Variants in CSMD1 observed in about 807,000 individuals in gnomAD.
CSMD1 encodes the protein CUB and sushi domain-containing protein 1.
A neutral mutation model predicts 417.5 loss-of-function variants in CSMD1; 213 were observed. The ratio of observed to expected loss-of-function variants is 0.51; its 90% CI spans 0.46 to 0.57. CSMD1 has a LOEUF of 0.57. Among genes scored for constraint, CSMD1 ranks in the 20% least tolerant of loss-of-function variants. The pLI, the probability that CSMD1 is intolerant of heterozygous loss-of-function variation, is 0.00. For missense variants in CSMD1, 6,923 were observed against 4,529.7 expected (o/e 1.53, Z -15.17); for synonymous variants, 2,862 against 1,736.8 (o/e 1.65, Z -16.11).
intron 2 of CSMD1, among the ~76,000 whole-genome samples, chr8:4,427,669 A>C (rs777114218): frequency 3.3e-5 from 5 of 152,206 alleles, no homozygotes; most frequent in Admixed American, 2.6e-4. Context: ...TTGGCCTCAG[A>C]AAATAGTACC....
At chr8:4,866,833 T>G (rs1802448065) in intron 1 of CSMD1, among the ~76,000 whole-genome samples, 1 of 152,156 alleles carries the variant, frequency 6.6e-6, no homozygotes, top group South Asian at 2.1e-4. Flanking sequence ...TTTTCATGAT[T>G]TTTAAAAATT....
chr8:3,494,138 T>C (rs79357723), intron 10 of CSMD1, among the ~76,000 whole-genome samples: 2,609 of 152,344 alleles, frequency 0.017, 68 homozygotes, highest in East Asian at 0.12. Flanking sequence ...TAAAGTTCTA[T>C]ATGCATACTT....
At chr8:2,997,643 GA>G (rs1167335864) in intron 54 of CSMD1, among the ~76,000 whole-genome samples, 1 of 152,020 alleles carries the variant, frequency 6.6e-6, no homozygotes, top group Non-Finnish European at 1.5e-5. Flanking sequence ...ATAAATAATT[GA>G]AAATTTAAAA....
intron 37 of CSMD1, among the ~76,000 whole-genome samples, chr8:3,163,171 G>T (rs1820000131): frequency 6.6e-6 from 1 of 152,136 alleles, no homozygotes; most frequent in Admixed American, 6.6e-5. Flanking sequence ...CATTTGAAAT[G>T]GTGCTAAGGG....
intron 6 of CSMD1, among the ~76,000 whole-genome samples, chr8:3,733,638 G>A (rs939221183): frequency 6.6e-6 from 1 of 151,976 alleles, no homozygotes; most frequent in Non-Finnish European, 1.5e-5. Flanking sequence ...TCATTCCTCT[G>A]TCCAGAAGGT....
At chr8:4,196,666 T>C (rs182804062) in intron 3 of CSMD1, among the ~76,000 whole-genome samples, 2 of 152,316 alleles carry the variant, frequency 1.3e-5, no homozygotes, top group Admixed American at 6.5e-5. Context: ...GACCCATTCT[T>C]CTGCCTCTTT....
At chr8:4,183,897 G>A (rs1456084466) in intron 3 of CSMD1, among the ~76,000 whole-genome samples, 1 of 152,092 alleles carries the variant, frequency 6.6e-6, no homozygotes, top group Non-Finnish European at 1.5e-5. Context: ...TGGACAGTTT[G>A]GCCACAGCTT....
chr8:3,355,887 C>T (rs899292629), intron 21 of CSMD1, among the ~76,000 whole-genome samples: 1 of 151,964 alleles, frequency 6.6e-6, no homozygotes, highest in East Asian at 1.9e-4. Flanking sequence ...CAACAGGTGC[C>T]AGAAGAGAGG....
intron 3 of CSMD1, among the ~76,000 whole-genome samples, chr8:4,054,272 G>C (rs917628192): frequency 1.2e-5 from 1 of 83,040 alleles, no homozygotes; most frequent in Non-Finnish European, 2.4e-5. Context: ...AGAGGTGACG[G>C]GGAAGTGAAG....
intron 3 of CSMD1, among the ~76,000 whole-genome samples, chr8:4,200,558 T>C (rs538447536): frequency 1.3e-4 from 20 of 151,208 alleles, no homozygotes; most frequent in African/African-American, 4.7e-4. Flanking sequence ...GTGCTATCCT[T>C]ATATAATTAT....
chr8:3,907,660 G>C (rs1322221147), intron 5 of CSMD1, among the ~76,000 whole-genome samples: 2 of 152,136 alleles, frequency 1.3e-5, no homozygotes, highest in African/African-American at 4.8e-5. Context: ...CTTTGTATTA[G>C]GAAGATTCAG....
At chr8:4,283,482 C>G (rs1486815642) in intron 3 of CSMD1, among the ~76,000 whole-genome samples, 1 of 152,098 alleles carries the variant, frequency 6.6e-6, no homozygotes, top group Non-Finnish European at 1.5e-5. Flanking sequence ...CACTTTGTAC[C>G]AATATATTTT....
At chr8:3,747,783 G>A (rs894875796) in intron 6 of CSMD1, among the ~76,000 whole-genome samples, 2 of 151,486 alleles carry the variant, frequency 1.3e-5, no homozygotes, top group African/African-American at 4.8e-5. Context: ...TCCACCAATA[G>A]TGCAAAAAAA....
chr8:3,753,787 T>C (rs546850098), intron 6 of CSMD1, 143 bp downstream of exon 6: 11 of 555,902 alleles, frequency 2.0e-5, no homozygotes, highest in African/African-American at 3.8e-5. Context: ...GTCGACTATA[T>C]GATTTCCAAA....
At chr8:3,747,971 C>G (rs1192986656) in intron 6 of CSMD1, among the ~76,000 whole-genome samples, 1 of 152,050 alleles carries the variant, frequency 6.6e-6, no homozygotes, top group East Asian at 1.9e-4. Context: ...TCTAGAAGTC[C>G]ACCATGGTTC....
rs1217671 is a variant in CSMD1, at chr8:4,461,527, G to T, written c.303-41462C>A. Among the ~76,000 whole-genome samples, 137 of 121,824 alleles carry T rather than the reference G, an allele frequency of 1.1e-3. 3 individuals are homozygous for T. Among genetic ancestry groups the T allele is most frequent in the African/African-American group, 4.2e-3 (132 of 31,548 alleles). 79.9% of individuals were successfully genotyped at this position (121,824 alleles called of 152,430 possible). A position where few individuals can be genotyped will look rare whatever the true frequency, so the allele number is the denominator to read the frequency against. On this transcript the variant is annotated intron_variant, in intron 2 of 69. Transcript: ENST00000635120. ...AGGTTACAGAGTAGAAGATGAATATGCAAAAATCCATATTTTTTTTTGGTG... is the reference window on the plus strand; with the variant it reads ...AGGTTACAGAGTAGAAGATGAATATTCAAAAATCCATATTTTTTTTTGGTG...
chr8:4,761,859 CT>C (rs1330164578), intron 1 of CSMD1, among the ~76,000 whole-genome samples: 1 of 78,158 alleles, frequency 1.3e-5, no homozygotes, highest in Admixed American at 1.9e-4. Flanking sequence ...ATCTATCTAT[CT>C]ATCTATCTAT....
intron 8 of CSMD1, among the ~76,000 whole-genome samples, chr8:3,596,014 G>C (rs892183852): frequency 1.3e-5 from 2 of 151,998 alleles, no homozygotes; most frequent in African/African-American, 4.8e-5. Flanking sequence ...AATTTATCAG[G>C]GCTTTGAGGA....
chr8:4,213,984 C>T (rs1235098977), intron 3 of CSMD1, among the ~76,000 whole-genome samples: 1 of 152,110 alleles, frequency 6.6e-6, no homozygotes, highest in Non-Finnish European at 1.5e-5. Flanking sequence ...TCTTTCAAGG[C>T]ACACAAACAG....
Sources: allele counts gnomAD v4.1 joint callset (sites outside exome capture counted in the v4.1 genomes callset), GRCh38; gene constraint gnomAD v4.1.1; transcripts MANE v1.5; gene names NCBI Gene and HGNC (gene_info 2026-07-23, HGNC 2026-07-21).